TENM2: variants seen among roughly 807,000 people sequenced by gnomAD.
TENM2 encodes teneurin-2.
Under a neutral mutation model 245.2 loss-of-function variants are expected in TENM2, and 52 were observed. That is an observed-to-expected ratio of 0.21 (90% CI 0.17 to 0.27). TENM2 has a LOEUF of 0.27. TENM2 is among the 10% of genes least tolerant of loss of function. The probability of loss-of-function intolerance (pLI) is 1.00; values close to 1 mark genes in which losing one functional copy is unlikely to be tolerated. For missense variants in TENM2, 3,046 were observed against 3,666.8 expected, an observed-to-expected ratio of 0.83 and a Z score of 4.37; for synonymous variants, 1,363 against 1,438.9, an observed-to-expected ratio of 0.95 and a Z score of 1.19.
chr5:167,934,310 C>T (rs1171277495), intron 3 of TENM2, among the ~76,000 whole-genome samples: 6 of 152,172 alleles, frequency 3.9e-5, no homozygotes, highest in African/African-American at 1.4e-4. Flanking sequence ...AAAGCAGCAT[C>T]GTAACAGGGT....
At chr5:167,296,111 GAA>G (rs757711433) in intron 1 of TENM2, 10 of 152,114 alleles carry the variant, frequency 6.6e-5, no homozygotes, top group Non-Finnish European at 1.5e-4. Flanking sequence ...AAAACACAGA[GAA>G]AAGTCAGATG....
At chr5:167,192,261 G>T in the TENM2 span, among the ~76,000 whole-genome samples, 55 of 151,954 alleles carry the variant, frequency 3.6e-4, no homozygotes, top group Non-Finnish European at 7.1e-4. Flanking sequence ...GTTGATACAA[G>T]ACATGAATTT....
At chr5:167,899,539 T>C (rs1237059373) in intron 3 of TENM2, among the ~76,000 whole-genome samples, 1 of 152,214 alleles carries the variant, frequency 6.6e-6, no homozygotes, top group Non-Finnish European at 1.5e-5. Context: ...ATTTTGCAGA[T>C]GAGGTAACAG....
intron 2 of TENM2, among the ~76,000 whole-genome samples, chr5:167,411,316 T>G (rs1762894898): frequency 6.6e-6 from 1 of 152,122 alleles, no homozygotes; most frequent in Non-Finnish European, 1.5e-5. Context: ...GGATTTCCAA[T>G]TATTAGATCA....
chr5:167,476,975 C>A (rs1055830796), intron 2 of TENM2, among the ~76,000 whole-genome samples: 1 of 152,006 alleles, frequency 6.6e-6, no homozygotes, highest in African/African-American at 2.4e-5. Flanking sequence ...GTCTGTATGG[C>A]CACAGTTGTC....
chr5:167,793,723 C>T (rs910483983), intron 2 of TENM2, among the ~76,000 whole-genome samples: 1 of 151,772 alleles, frequency 6.6e-6, no homozygotes, highest in Admixed American at 6.6e-5. Context: ...GTAGTCCCAG[C>T]TACTCAGAAG....
intron 25 of TENM2, among the ~76,000 whole-genome samples, chr5:168,233,558 C>T (rs547194579): frequency 6.6e-6 from 1 of 152,324 alleles, no homozygotes; most frequent in African/African-American, 2.4e-5. Flanking sequence ...GTCTGGAATC[C>T]TTCCACTGCA....
At chr5:167,241,919 C>T in the TENM2 span, among the ~76,000 whole-genome samples, 1 of 151,926 alleles carries the variant, frequency 6.6e-6, no homozygotes, top group Non-Finnish European at 1.5e-5. Flanking sequence ...TTTTATTTTT[C>T]ACTTATATTG....
the TENM2 span, among the ~76,000 whole-genome samples, chr5:167,128,855 C>T: frequency 6.6e-6 from 1 of 152,206 alleles, no homozygotes; most frequent in Admixed American, 6.5e-5. Context: ...TGTGCCCTGG[C>T]ACTAGGTAGC....
intron 1 of TENM2, among the ~76,000 whole-genome samples, chr5:167,322,446 C>A (rs538365175): frequency 1.4e-3 from 219 of 152,238 alleles, no homozygotes; most frequent in African/African-American, 5.1e-3. Context: ...ACATTCAAAT[C>A]CCACTGCGTT....
At chr5:167,313,521 C>T (rs562903527) in intron 1 of TENM2, among the ~76,000 whole-genome samples, 60 of 152,178 alleles carry the variant, frequency 3.9e-4, no homozygotes, top group African/African-American at 9.4e-4. Context: ...CCTGTAATCC[C>T]GGCTACTCAG....
chr5:168,199,820 C>T, intron 16 of TENM2, 44 bp from the exon 19 acceptor site: 1 of 1,589,260 alleles, frequency 6.3e-7, no homozygotes, highest in East Asian at 2.2e-5. Context: ...TTTACCTGCA[C>T]AGGTGTGTTT....
chr5:167,212,779 C>T, the TENM2 span, among the ~76,000 whole-genome samples: 1 of 152,190 alleles, frequency 6.6e-6, no homozygotes, highest in Admixed American at 6.5e-5. Context: ...TTTCATTGGA[C>T]CACATATGCC....
At chr5:167,682,911 C>A (rs543897099) in intron 2 of TENM2, among the ~76,000 whole-genome samples, 1 of 152,242 alleles carries the variant, frequency 6.6e-6, no homozygotes, top group South Asian at 2.1e-4. Context: ...CAGGCTTTGT[C>A]CTTTGTTGTT....
intron 9 of TENM2, among the ~76,000 whole-genome samples, chr5:168,107,353 T>G (rs1397962892): frequency 2.0e-5 from 3 of 152,192 alleles, no homozygotes; most frequent in Non-Finnish European, 2.9e-5. Context: ...CCCAAAGCTC[T>G]TAGGGGCATG....
chr5:167,764,128 A>G (rs115890356), intron 2 of TENM2, among the ~76,000 whole-genome samples: 2,254 of 152,168 alleles, frequency 0.015, 57 homozygotes, highest in African/African-American at 0.051. Context: ...TCCAGCTGTG[A>G]CAAAGAGAAA....
chr5:167,663,414 T>G (rs183033625), intron 2 of TENM2, among the ~76,000 whole-genome samples: 64 of 152,342 alleles, frequency 4.2e-4, no homozygotes, highest in African/African-American at 1.5e-3. Flanking sequence ...AAAGAGTGTC[T>G]TTAATTTTTG....
At chr5:167,381,701 G>A (rs1761106676) in intron 2 of TENM2, among the ~76,000 whole-genome samples, 1 of 152,082 alleles carries the variant, frequency 6.6e-6, no homozygotes, top group South Asian at 2.1e-4. Context: ...GTCTGACTTA[G>A]CCTTTGTAGT....
the TENM2 span, among the ~76,000 whole-genome samples, chr5:166,979,993 T>C: frequency 6.6e-6 from 1 of 152,240 alleles, no homozygotes; most frequent in African/African-American, 2.4e-5. Context: ...CCAGAACTAC[T>C]GTATGGTACA....
Sources: gnomAD v4.1 joint callset for allele counts (sites outside exome capture counted in the v4.1 genomes callset) on GRCh38, gnomAD v4.1.1 for gene constraint, MANE v1.5 for transcripts, NCBI Gene and HGNC (gene_info 2026-07-23, HGNC 2026-07-21) for gene names.